The following KIAA1549 variants were observed in gnomAD, a reference collection of about 807,000 sequenced individuals.
The protein encoded by KIAA1549 is UPF0606 protein KIAA1549.
In KIAA1549, 70 loss-of-function variants were observed where a neutral mutation model predicts 156.4. That is an observed-to-expected ratio of 0.45 (90% CI 0.37 to 0.55). The LOEUF is 0.55. Ranked by LOEUF, KIAA1549 falls within the 20% of genes least tolerant of loss-of-function variation. The pLI is 0.00. For synonymous variants in KIAA1549, 1,103 were observed against 1,066.4 expected, an observed-to-expected ratio of 1.03 and a Z score of -0.67; for missense variants, 2,428 against 2,540.9, an observed-to-expected ratio of 0.96 and a Z score of 0.96.
At position 138,923,277 on chromosome 7, in the gene KIAA1549, C is replaced by T. The variant is rs144848942; in HGVS notation, c.188-3839G>A. On this transcript the variant is annotated intron_variant, in intron 1 of 19. Transcript: ENST00000422774. ...CCTTCAAATAGAAGGGTTATTGCCT[C>T]AGCAGGAAGATCTGAGAATAGAGAA... is the stretch of plus-strand genomic sequence containing the variant. 7.8e-3 allele frequency among the ~76,000 whole-genome samples: 1,191 copies of T among 152,326 alleles called. 21 individuals carry two copies. The highest frequency in any genetic ancestry group is 0.027 in the African/African-American group (1,123 of 41,574).
chr7:138,865,809 C>T (rs958166649), intron 15 of KIAA1549, among the ~76,000 whole-genome samples: 16 of 152,078 alleles, frequency 1.1e-4, no homozygotes, highest in Non-Finnish European at 2.2e-4. Flanking sequence ...AGGTTCCTCC[C>T]CATACAAAAC....
chr7:138,908,993 G>A lies in KIAA1549; in HGVS notation c.3274C>T (p.Gln1092Ter). The change falls in exon 5 of 20, where the codon CAG becomes TAG. Residue 1092 changes from glutamine to a stop codon, truncating the protein, a stop_gained and splice_region_variant. Transcript: ENST00000422774. LOFTEE classifies it high-confidence loss of function. ...HHQGTYNLTV[Q>*]ILNITISSSR... ...TCTGCATTCAGTGATATTCTCACCT[G>A]CACCGTGAGGTTATACGTTCCCTGG... The A allele has an allele frequency of 6.2e-7, 1 of 1,613,942 alleles. No individual in the cohort carries two copies. The highest frequency in any genetic ancestry group is 8.5e-7 in the Non-Finnish European group (1 of 1,179,832).
chr7:138,855,445 G>A (rs995844803), intron 16 of KIAA1549, among the ~76,000 whole-genome samples: 3 of 152,218 alleles, frequency 2.0e-5, no homozygotes, highest in African/African-American at 7.2e-5. Context: ...TTAAGAAGGT[G>A]TTGGTGAGAG....
intron 1 of KIAA1549, among the ~76,000 whole-genome samples, chr7:138,951,413 T>A (rs958705573): frequency 4.6e-5 from 7 of 152,162 alleles, no homozygotes; most frequent in African/African-American, 1.7e-4. Context: ...ACCCTGCCAC[T>A]ATTTCTTTTC....
intron 19 of KIAA1549, among the ~76,000 whole-genome samples, chr7:138,839,776 GT>G (rs1563043850): frequency 1.1e-5 from 1 of 90,094 alleles, no homozygotes; most frequent in African/African-American, 3.8e-5. Flanking sequence ...GAGGGATTAT[GT>G]CTTTTTTTTT....
intron 1 of KIAA1549, among the ~76,000 whole-genome samples, chr7:138,943,214 C>T (rs1563087733): frequency 1.3e-5 from 2 of 152,154 alleles, no homozygotes; most frequent in African/African-American, 2.4e-5. Flanking sequence ...CGTCACGAGT[C>T]CCCCTCGAGT....
intron 1 of KIAA1549, among the ~76,000 whole-genome samples, chr7:138,953,539 T>G (rs1398141988): frequency 6.6e-6 from 1 of 151,654 alleles, no homozygotes; most frequent in Non-Finnish European, 1.5e-5. Flanking sequence ...AAAGCGTAAA[T>G]CTACAGTGAA....
chr7:138,942,632 T>G (rs1274600913), intron 1 of KIAA1549, among the ~76,000 whole-genome samples: 4 of 152,012 alleles, frequency 2.6e-5, no homozygotes, highest in African/African-American at 9.7e-5. Flanking sequence ...AGTTGGAGGC[T>G]GGGCACGGTG....
At chr7:138,868,364 G>T (rs1459237253) in intron 14 of KIAA1549, among the ~76,000 whole-genome samples, 3 of 152,178 alleles carry the variant, frequency 2.0e-5, no homozygotes, top group Non-Finnish European at 2.9e-5. Context: ...TTGTAATCAT[G>T]ACATTCAGAA....
intron 12 of KIAA1549, among the ~76,000 whole-genome samples, chr7:138,878,430 T>C (rs1049193002): frequency 1.3e-5 from 2 of 152,220 alleles, no homozygotes; most frequent in African/African-American, 2.4e-5. Flanking sequence ...CAGAGAAATT[T>C]ATGATTAAAA....
At chr7:138,945,115 TC>T (rs951775178) in intron 1 of KIAA1549, among the ~76,000 whole-genome samples, 14 of 152,224 alleles carry the variant, frequency 9.2e-5, no homozygotes, top group African/African-American at 2.7e-4. Context: ...CTGTTATTTT[TC>T]TAAAGTTCAC....
chr7:138,928,096 T>C (rs1812773593), intron 1 of KIAA1549, among the ~76,000 whole-genome samples: 1 of 151,140 alleles, frequency 6.6e-6, no homozygotes, highest in African/African-American at 2.4e-5. Flanking sequence ...AATTTTTTTG[T>C]ATTTTTAGTG....
intron 1 of KIAA1549, among the ~76,000 whole-genome samples, chr7:138,948,458 GC>G (rs1306312757): frequency 1.3e-5 from 2 of 152,146 alleles, no homozygotes; most frequent in African/African-American, 4.8e-5. Context: ...AGGTAGCATG[GC>G]CCCGCCAACA....
intron 10 of KIAA1549, among the ~76,000 whole-genome samples, chr7:138,883,296 T>C (rs1811301423): frequency 6.7e-6 from 1 of 149,972 alleles, no homozygotes; most frequent in African/African-American, 2.5e-5. Flanking sequence ...AAAAGCCATT[T>C]GTTATTGTTC....
chr7:138,966,208 A>G (rs1045140487), intron 1 of KIAA1549, among the ~76,000 whole-genome samples: 2 of 152,156 alleles, frequency 1.3e-5, no homozygotes, highest in African/African-American at 4.8e-5. Context: ...ATGTAGTTAA[A>G]ATAAGGTCAT....
At chr7:138,903,808 T>C in intron 7 of KIAA1549, 72 bp from the exon 8 acceptor site, 6 of 142,876 alleles carry the variant, frequency 4.2e-5, no homozygotes, top group Middle Eastern at 1.9e-3. Context: ...TGTGTGTGTG[T>C]GTGTGTGTGT....
chr7:138,836,615 A>G lies in KIAA1549; in HGVS notation c.*1291T>C, dbSNP rs2130315913. The G allele has an allele frequency of 4.6e-6, 1 of 218,958 alleles. No homozygotes were observed. Among genetic ancestry groups the G allele is most frequent in the African/African-American group, 2.2e-5 (1 of 44,658 alleles). 13.6% of individuals were successfully genotyped at this position (218,958 alleles called of 1,614,324 possible). A position where few individuals can be genotyped will look rare whatever the true frequency, so the allele number is the denominator to read the frequency against. ...AGCCCTTGCCACTGTTTTCTTTACC[A>G]TTATTTGGAAAGTGGGGGAAATGTT... On this transcript the variant is annotated 3_prime_UTR_variant, in exon 20 of 20. Coordinates refer to ENST00000422774, the MANE Select transcript of KIAA1549 (RefSeq NM_001164665.2).
At chr7:138,954,142 A>G (rs1225999197) in intron 1 of KIAA1549, among the ~76,000 whole-genome samples, 1 of 150,012 alleles carries the variant, frequency 6.7e-6, no homozygotes, top group African/African-American at 2.5e-5. Flanking sequence ...ACAACAGCAA[A>G]TAAATATACG....
chr7:138,911,048 A>C (rs1584749213), intron 4 of KIAA1549, 98 bp downstream of exon 4: 3 of 950,828 alleles, frequency 3.2e-6, no homozygotes, highest in Non-Finnish European at 3.0e-6. Context: ...TCATCATCAT[A>C]ATAATAAATT....
Sources: allele counts gnomAD v4.1 joint callset (sites outside exome capture counted in the v4.1 genomes callset), GRCh38; gene constraint gnomAD v4.1.1; transcripts MANE v1.5; gene names NCBI Gene and HGNC (gene_info 2026-07-23, HGNC 2026-07-21).